Variants in JPH2 observed in about 807,000 individuals in gnomAD.
JPH2 encodes the protein junctophilin-2.
A neutral mutation model predicts 55.9 loss-of-function variants in JPH2; 38 were observed. The observed-to-expected ratio is 0.68, with a 90% CI of 0.52 to 0.89. The LOEUF (loss-of-function observed/expected upper bound fraction) is 0.89, where lower values mean the gene tolerates loss of function less well. JPH2 is among the 40% of genes least tolerant of loss of function. JPH2 has a pLI of 0.00. For synonymous variants in JPH2, 480 were observed against 472.4 expected (o/e 1.02, Z -0.21); for missense variants, 964 against 1,037.6 (o/e 0.93, Z 0.97).
At chr20:44,147,025 A>G (rs1384118767) in intron 2 of JPH2, among the ~76,000 whole-genome samples, 1 of 152,030 alleles carries the variant, frequency 6.6e-6, no homozygotes, top group East Asian at 1.9e-4. Context: ...TTTGTTGAAC[A>G]TATACTGGAG....
chr20:44,182,091 T>A (rs891664415), intron 1 of JPH2, among the ~76,000 whole-genome samples: 1 of 152,298 alleles, frequency 6.6e-6, no homozygotes, highest in East Asian at 1.9e-4. Context: ...GTCCATTTTA[T>A]AGACAAGGAA....
In JPH2 at chr20:44,116,145, G is replaced by C; in HGVS notation, c.1530C>G (p.Gly510=). The part of the protein sequence containing the change: ...GVSKDGLLSP[G]AWNGEPSGEG... ...CACCGCTGGGCTCGCCGTTCCAGGC[G>C]CCTGGGCTCAGCAGGCCGTCCTTGG... The change falls in exon 4 of 6, where the codon GGC becomes GGG. Residue 510 remains glycine (G), a synonymous_variant. Coordinates refer to ENST00000372980, the MANE Select transcript of JPH2 (RefSeq NM_020433.5). 7.0e-7 allele frequency: 1 copy of C among 1,434,204 alleles called. No homozygotes were observed. The highest frequency in any genetic ancestry group is 9.1e-7 in the Non-Finnish European group (1 of 1,104,136). The allele number at this position is 1,434,204 out of a possible 1,614,324, so 88.8% of individuals were successfully genotyped here. A position where few individuals can be genotyped will look rare whatever the true frequency, so the allele number is the denominator to read the frequency against.
chr20:44,170,750 A>G (rs1232309229), intron 1 of JPH2, among the ~76,000 whole-genome samples: 1 of 152,252 alleles, frequency 6.6e-6, no homozygotes, highest in East Asian at 1.9e-4. Context: ...TGGTCTTCAG[A>G]TAGACCTGAC....
chr20:44,107,524 C>A lies in JPH2; in HGVS notation c.*5994G>T, dbSNP rs2072115642. Among the ~76,000 whole-genome samples, 1 of 152,212 alleles carries A rather than the reference C, an allele frequency of 6.6e-6. No homozygotes were observed. Among genetic ancestry groups the A allele is most frequent in the African/African-American group, 2.4e-5 (1 of 41,448 alleles). Reference sequence around the variant, plus strand: ...AAGCAAATTCCATCCTCCATACTCTCTTTCCTTTTCCTTTGGCAGATGCAG... The same window carrying A: ...AAGCAAATTCCATCCTCCATACTCTATTTCCTTTTCCTTTGGCAGATGCAG... On this transcript the variant is annotated 3_prime_UTR_variant, in exon 6 of 6. Transcript: ENST00000372980.
intron 5 of JPH2, among the ~76,000 whole-genome samples, 172 bp from the exon 6 acceptor site, chr20:44,113,675 G>T (rs1023026946): frequency 1.3e-5 from 2 of 152,184 alleles, no homozygotes; most frequent in African/African-American, 2.4e-5. Context: ...GGTCACAAAC[G>T]GGTCCCCGAG....
At chr20:44,134,743 A>G (rs1209430152) in intron 2 of JPH2, among the ~76,000 whole-genome samples, 1 of 53,210 alleles carries the variant, frequency 1.9e-5, no homozygotes, top group African/African-American at 7.3e-5. Context: ...AAATATATAA[A>G]GATATATTTA....
At chr20:44,172,930 C>T (rs754981324) in intron 1 of JPH2, among the ~76,000 whole-genome samples, 3 of 151,984 alleles carry the variant, frequency 2.0e-5, no homozygotes, top group Non-Finnish European at 4.4e-5. Flanking sequence ...AGATTAAAAC[C>T]GCTTTTATAA....
In JPH2 at chr20:44,134,440, T is replaced by TATTTATAATATATATAA. The variant is rs1555855789; in HGVS notation, c.1170-15818_1170-15817insTTATATATATTATAAAT. On this transcript the variant is annotated intron_variant, in intron 2 of 5. Transcript: ENST00000372980. ...TAAATATATATTTATTATAAATATA[T>TATTTATAATATATATAA]ATAAATATATATTTATTATAAATAT... Among the ~76,000 whole-genome samples the TATTTATAATATATATAA allele has an allele frequency of 2.7e-3, 2 of 732 alleles. 1 individual carries two copies. The highest frequency in any genetic ancestry group is 6.5e-3 in the African/African-American group (2 of 306). 0.5% of individuals were successfully genotyped at this position (732 alleles called of 152,430 possible). A position where few individuals can be genotyped will look rare whatever the true frequency, so the allele number is the denominator to read the frequency against.
At position 44,159,369 on chromosome 20, in the gene JPH2, TG is replaced by T. The variant is rs199566074; in HGVS notation, c.1169+248del. On this transcript the variant is annotated intron_variant, in intron 2 of 5. Transcript: ENST00000372980. This position sits in a 1 kb window ranked among gnomAD's most constrained non-coding sequence, Gnocchi z 5.7. ...ATGACTGGAGAGATGGCTGTTCAGG[TG>T]GATATTAGAAAGGTTGGGTGAGTGG... Among the ~76,000 whole-genome samples, 1,355 of 151,464 alleles carry T rather than the reference TG, an allele frequency of 8.9e-3. 17 individuals are homozygous for T. The highest frequency in any genetic ancestry group is 0.03 in the African/African-American group (1,254 of 41,224).
At chr20:44,171,167 G>A (rs2072694534) in intron 1 of JPH2, among the ~76,000 whole-genome samples, 1 of 152,346 alleles carries the variant, frequency 6.6e-6, no homozygotes, top group Admixed American at 6.5e-5. Flanking sequence ...GATGATGTGT[G>A]GGAGATTTAG....
Position 44,109,809 on chromosome 20 carries a change from T to C in JPH2, c.*3709A>G, listed in dbSNP as rs1181321416. Among the ~76,000 whole-genome samples the C allele has an allele frequency of 6.6e-6, 1 of 152,098 alleles. No individual in the cohort carries two copies. The highest frequency in any genetic ancestry group is 1.9e-4 in the East Asian group (1 of 5,202). ...CTGCATCTCTCCCAGAACAGCCAGG[T>C]CTTCTGTGGGTCCATCAGATTATGA... On this transcript the variant is annotated 3_prime_UTR_variant, in exon 6 of 6. Transcript: ENST00000372980.
intron 1 of JPH2, among the ~76,000 whole-genome samples, chr20:44,178,757 T>C (rs1169281543): frequency 1.3e-5 from 2 of 152,154 alleles, no homozygotes; most frequent in African/African-American, 4.8e-5. Flanking sequence ...AATATAAAGC[T>C]ACAGTAACCA....
At chr20:44,139,329 C>T (rs771996198) in intron 2 of JPH2, among the ~76,000 whole-genome samples, 3 of 152,040 alleles carry the variant, frequency 2.0e-5, no homozygotes, top group Admixed American at 1.3e-4. Context: ...CCAGCAACTG[C>T]GAGTTGGGGG....
chr20:44,181,807 C>T (rs993925151), intron 1 of JPH2, among the ~76,000 whole-genome samples: 1 of 152,198 alleles, frequency 6.6e-6, no homozygotes, highest in African/African-American at 2.4e-5. Context: ...GTCTGGTCAG[C>T]TGCCCACTCT....
chr20:44,173,315 CCA>C (rs2072711071), intron 1 of JPH2, among the ~76,000 whole-genome samples: 1 of 152,190 alleles, frequency 6.6e-6, no homozygotes, highest in South Asian at 2.1e-4. Context: ...ACGATTCTAC[CCA>C]GACCTGTGAC....
rs1309541946 is a variant in JPH2, at chr20:44,106,930, A to G, written c.*6588T>C. On this transcript the variant is annotated 3_prime_UTR_variant, in exon 6 of 6. Coordinates refer to ENST00000372980, the MANE Select transcript of JPH2 (RefSeq NM_020433.5). ...AGCAAGGGAGGGGTATAAAAGCCCA[A>G]TGGGAGATGCTCTACAAGCAATCCT... 2.0e-5 allele frequency among the ~76,000 whole-genome samples: 3 copies of G among 152,140 alleles called. No individual in the cohort carries two copies. Among genetic ancestry groups the G allele is most frequent in the African/African-American group, 7.2e-5 (3 of 41,428 alleles).
At chr20:44,135,516 T>C (rs2072405456) in intron 2 of JPH2, among the ~76,000 whole-genome samples, 1 of 152,230 alleles carries the variant, frequency 6.6e-6, no homozygotes, top group African/African-American at 2.4e-5. Flanking sequence ...TAGCTCACCC[T>C]GACTGCCAGC....
chr20:44,162,058 G>A (rs570620465), intron 1 of JPH2, among the ~76,000 whole-genome samples: 33 of 152,262 alleles, frequency 2.2e-4, no homozygotes, highest in African/African-American at 7.9e-4. Context: ...CTCTGCCTTC[G>A]TCTTTGTACC....
In JPH2 at chr20:44,108,480, GA is replaced by G. The variant is rs1474189551; in HGVS notation, c.*5037del. ...AACTTGTATCTGGGGTCTGAAGGGA[GA>G]GGGGGAGATTGTTCCCTCAGACTTT... On this transcript the variant is annotated 3_prime_UTR_variant, in exon 6 of 6. Coordinates refer to ENST00000372980, the MANE Select transcript of JPH2 (RefSeq NM_020433.5). 6.6e-6 allele frequency among the ~76,000 whole-genome samples: 1 copy of G among 152,084 alleles called. No homozygotes were observed.
Sources: allele counts gnomAD v4.1 joint callset (sites outside exome capture counted in the v4.1 genomes callset), GRCh38; gene constraint gnomAD v4.1.1; non-coding constraint Gnocchi (gnomAD v3.1); transcripts MANE v1.5; gene names NCBI Gene and HGNC (gene_info 2026-07-23, HGNC 2026-07-21).